Variants in DCLK2 observed in about 807,000 individuals in gnomAD.
DCLK2 encodes the protein serine/threonine-protein kinase DCLK2.
DCLK2 carries 31 observed loss-of-function variants against 78.4 expected under a neutral mutation model. That is an observed-to-expected ratio of 0.40 (90% CI 0.30 to 0.53). The LOEUF (loss-of-function observed/expected upper bound fraction) is 0.53. Ranked by LOEUF, DCLK2 falls within the 20% of genes least tolerant of loss-of-function variation. DCLK2 has a pLI of 0.61. For synonymous variants in DCLK2, 407 were observed against 374.9 expected (o/e 1.09, Z -0.99); for missense variants, 872 against 973.7 (o/e 0.90, Z 1.39).
rs535682820 is a variant in DCLK2, at chr4:150,232,243, T to C, written c.1300-94T>C. The C allele has an allele frequency of 6.0e-5, 89 of 1,473,676 alleles. No homozygotes were observed. In the African/African-American group the frequency reaches 1.2e-3, roughly 19 times the overall value. 91.3% of individuals were successfully genotyped at this position (1,473,676 alleles called of 1,614,324 possible). A position where few individuals can be genotyped will look rare whatever the true frequency, so the allele number is the denominator to read the frequency against. On this transcript the variant is annotated intron_variant, in intron 8 of 15. Coordinates refer to ENST00000296550, the MANE Select transcript of DCLK2 (RefSeq NM_001040260.4). ...GAGCAATGCTTTCTTTGGCATCAGA[T>C]CCACAGGCTGTGTTTGTTTTGCTGT...
chr4:150,082,136 A>G (rs970041497), intron 1 of DCLK2, among the ~76,000 whole-genome samples: 2 of 152,208 alleles, frequency 1.3e-5, no homozygotes, highest in Non-Finnish European at 1.5e-5. Context: ...CTAAGCAGCT[A>G]TCTGTGAAGT....
chr4:150,199,033 C>T lies in DCLK2; in HGVS notation c.961+930C>T, dbSNP rs1322654014. On this transcript the variant is annotated intron_variant, in intron 4 of 15. Coordinates refer to ENST00000296550, the MANE Select transcript of DCLK2 (RefSeq NM_001040260.4). ...TGTATACTGCATGTGTACAGTAAAG[C>T]GGGGTGGCCACTACTCCAGTGCCTA... 8.8e-6 allele frequency: 14 copies of T among 1,591,972 alleles called. No homozygotes were observed. The Admixed American group carries it at 1.0e-4, about 11-fold the overall frequency.
chr4:150,256,155 G>GGC lies in DCLK2; in HGVS notation c.2209_2210insGC (p.Ala737GlyfsTer164). 1 of 1,593,362 alleles carries GGC rather than the reference G, an allele frequency of 6.3e-7. No individual in the cohort carries two copies. Among genetic ancestry groups the GGC allele is most frequent in the Non-Finnish European group, 8.5e-7 (1 of 1,171,382 alleles). ...CCCTGTGCCTGGGGAAGCAGTCCCG[G>GGC]CCCCCACCCCTCCGGAATCTCCCAC... On this transcript the variant is annotated frameshift_variant, in exon 16 of 16. Coordinates refer to ENST00000296550, the MANE Select transcript of DCLK2 (RefSeq NM_001040260.4). LOFTEE classifies it high-confidence loss of function.
At chr4:150,189,793 C>T (rs575954722) in intron 2 of DCLK2, among the ~76,000 whole-genome samples, 1 of 151,946 alleles carries the variant, frequency 6.6e-6, no homozygotes, top group African/African-American at 2.4e-5. Flanking sequence ...AGCCACAGTT[C>T]ATTTGGCAAA....
chr4:150,162,405 T>C (rs1299007441), intron 2 of DCLK2, among the ~76,000 whole-genome samples: 1 of 152,194 alleles, frequency 6.6e-6, no homozygotes, highest in Non-Finnish European at 1.5e-5. Flanking sequence ...GCTCTTCAAG[T>C]ATTGGGATTT....
intron 2 of DCLK2, among the ~76,000 whole-genome samples, chr4:150,158,403 T>C (rs1401599538): frequency 6.6e-6 from 1 of 152,134 alleles, no homozygotes; most frequent in Non-Finnish European, 1.5e-5. Context: ...GGGATATAAT[T>C]CAGTCTATAA....
chr4:150,125,898 A>T (rs578024516), intron 2 of DCLK2, among the ~76,000 whole-genome samples: 1 of 152,146 alleles, frequency 6.6e-6, no homozygotes, highest in South Asian at 2.1e-4. Context: ...CTCAAAAAAA[A>T]ACCACAAAAA....
chr4:150,248,962 G>A lies in DCLK2; in HGVS notation c.1956+577G>A, dbSNP rs552866918. On this transcript the variant is annotated intron_variant, in intron 14 of 15. Transcript: ENST00000296550. Reference sequence around the variant, plus strand: ...ATTTCTCCCATTTCCGTCATTTCTGGGAGGCTCCAGGAGAGTGAAGTTAGT... The same window carrying A: ...ATTTCTCCCATTTCCGTCATTTCTGAGAGGCTCCAGGAGAGTGAAGTTAGT... Among the ~76,000 whole-genome samples, 73 of 152,122 alleles carry A rather than the reference G, an allele frequency of 4.8e-4. No individual in the cohort carries two copies. In the South Asian group the frequency reaches 0.014, roughly 29 times the overall value.
At chr4:150,103,774 G>T (rs1161122809) in intron 2 of DCLK2, among the ~76,000 whole-genome samples, 1 of 152,124 alleles carries the variant, frequency 6.6e-6, no homozygotes, top group Non-Finnish European at 1.5e-5. Context: ...TACAGTGCTT[G>T]CTGAAACATT....
chr4:150,107,126 C>T (rs768551964), intron 2 of DCLK2, among the ~76,000 whole-genome samples: 1 of 152,134 alleles, frequency 6.6e-6, no homozygotes, highest in Non-Finnish European at 1.5e-5. Flanking sequence ...AGGACAGCCA[C>T]GACATCATCC....
intron 7 of DCLK2, among the ~76,000 whole-genome samples, chr4:150,223,213 G>A (rs1296333652): frequency 6.6e-6 from 1 of 152,128 alleles, no homozygotes; most frequent in African/African-American, 2.4e-5. Flanking sequence ...GACTTTTAAA[G>A]ACTAGTCAGA....
At chr4:150,127,282 C>T (rs1240228781) in intron 2 of DCLK2, among the ~76,000 whole-genome samples, 1 of 152,154 alleles carries the variant, frequency 6.6e-6, no homozygotes, top group Non-Finnish European at 1.5e-5. Context: ...TTGGTATCCA[C>T]TCATGGTTCT....
intron 2 of DCLK2, among the ~76,000 whole-genome samples, chr4:150,114,057 G>C (rs1731888934): frequency 6.6e-6 from 1 of 151,832 alleles, no homozygotes; most frequent in Non-Finnish European, 1.5e-5. Context: ...TAGTTTTGAG[G>C]GTTCTTTTTG....
intron 14 of DCLK2, among the ~76,000 whole-genome samples, chr4:150,248,637 A>G (rs1024429529): frequency 9.9e-5 from 15 of 152,080 alleles, no homozygotes; most frequent in African/African-American, 3.4e-4. Flanking sequence ...CAGTTTCCTT[A>G]TCTGCAAAAT....
intron 2 of DCLK2, among the ~76,000 whole-genome samples, chr4:150,139,023 A>G (rs189863057): frequency 4.6e-5 from 7 of 152,088 alleles, no homozygotes; most frequent in African/African-American, 1.4e-4. Flanking sequence ...CCTGTAAGAA[A>G]GAAAATAATA....
chr4:150,107,398 A>C (rs1298397650), intron 2 of DCLK2, among the ~76,000 whole-genome samples: 2 of 63,486 alleles, frequency 3.2e-5, no homozygotes, highest in African/African-American at 1.5e-4. Context: ...TTTTTTTTGG[A>C]GACAGAATCT....
intron 2 of DCLK2, among the ~76,000 whole-genome samples, chr4:150,119,618 C>G (rs1248533455): frequency 6.6e-6 from 1 of 152,116 alleles, no homozygotes; most frequent in African/African-American, 2.4e-5. Context: ...TTCCTCTTAC[C>G]ACCTCCACCT....
At chr4:150,246,855 C>G (rs560712524) in intron 12 of DCLK2, among the ~76,000 whole-genome samples, 1 of 152,122 alleles carries the variant, frequency 6.6e-6, no homozygotes, top group Non-Finnish European at 1.5e-5. Context: ...GAGGGATGCC[C>G]CTGTGAGCTG....
chr4:150,199,212 A>T (rs1343956169), intron 4 of DCLK2: 4 of 791,052 alleles, frequency 5.1e-6, no homozygotes, highest in Non-Finnish European at 8.3e-6. Flanking sequence ...GTGGTATGAA[A>T]TGCTTTGCAT....
Sources: gnomAD v4.1 joint callset for allele counts (sites outside exome capture counted in the v4.1 genomes callset) on GRCh38, gnomAD v4.1.1 for gene constraint, MANE v1.5 for transcripts, NCBI Gene and HGNC (gene_info 2026-07-23, HGNC 2026-07-21) for gene names.